The following CASP8 variants were observed in gnomAD, a reference collection of about 807,000 sequenced individuals.
The protein encoded by CASP8 is caspase-8.
A neutral mutation model predicts 46.3 loss-of-function variants in CASP8; 24 were observed. The ratio of observed to expected loss-of-function variants is 0.52; its 90% confidence interval spans 0.38 to 0.73. The LOEUF (loss-of-function observed/expected upper bound fraction) is 0.73. Among genes scored for constraint, CASP8 ranks in the 30% least tolerant of loss-of-function variants. The probability of loss-of-function intolerance (pLI) is 0.00; values close to 1 mark genes in which losing one functional copy is unlikely to be tolerated. For missense variants in CASP8, 460 were observed against 559.0 expected, an observed-to-expected ratio of 0.82 and a Z score of 1.79; for synonymous variants, 188 against 200.4, an observed-to-expected ratio of 0.94 and a Z score of 0.52.
chr2:201,279,052 G>C (rs1314328650), intron 7 of CASP8, among the ~76,000 whole-genome samples: 1 of 152,080 alleles, frequency 6.6e-6, no homozygotes, highest in Admixed American at 6.5e-5. Flanking sequence ...ATTACAGAGG[G>C]GAACACGGAA....
chr2:201,266,416 G>C lies in CASP8; in HGVS notation c.-26-45G>C, dbSNP rs1231094485. On this transcript the variant is annotated intron_variant, in intron 1 of 8. Transcript: ENST00000673742. This position sits in a 1 kb window ranked among gnomAD's most constrained non-coding sequence, Gnocchi z 5.7. ...GCCTTTGATGAACAAGCCAGCAAATGGTACTTTTCTTCCTTATCTGAACAT... is the reference window on the plus strand; with the variant it reads ...GCCTTTGATGAACAAGCCAGCAAATCGTACTTTTCTTCCTTATCTGAACAT... The C allele has an allele frequency of 6.8e-7, 1 of 1,466,604 alleles. No individual in the cohort carries two copies. Among genetic ancestry groups the C allele is most frequent in the Admixed American group, 1.7e-5 (1 of 59,634 alleles). The allele number at this position is 1,466,604 out of a possible 1,614,324, so 90.8% of individuals were successfully genotyped here. A position where few individuals can be genotyped will look rare whatever the true frequency, so the allele number is the denominator to read the frequency against.
In CASP8 at chr2:201,266,681, G is replaced by A. The variant is rs1304411859; in HGVS notation, c.195G>A (p.Leu65=). The A allele has an allele frequency of 1.9e-6, 3 of 1,613,834 alleles. No homozygotes were observed. Among genetic ancestry groups the A allele is most frequent in the Non-Finnish European group, 2.5e-6 (3 of 1,179,878 alleles). The part of the protein sequence containing the change: ...EESNLSFLKE[L]LFRINRLDLL... ...GCAATCTGTCCTTCCTGAAGGAGCTGCTCTTCCGAATTAATAGACTGGATT... is the reference window on the plus strand; with the variant it reads ...GCAATCTGTCCTTCCTGAAGGAGCTACTCTTCCGAATTAATAGACTGGATT... The change falls in exon 2 of 9, where the codon CTG becomes CTA. Residue 65 remains leucine (L), a synonymous_variant. Coordinates refer to ENST00000673742, the MANE Select transcript of CASP8 (RefSeq NM_001372051.1). The surrounding 1 kb of genome is among the most constrained non-coding windows in gnomAD (Gnocchi z 5.7).
intron 7 of CASP8, among the ~76,000 whole-genome samples, chr2:201,283,677 C>T (rs1324183254): frequency 1.2e-5 from 1 of 85,188 alleles, no homozygotes; most frequent in African/African-American, 3.8e-5. Context: ...CCGGACGGGG[C>T]GGATGGCCGA....
At chr2:201,269,589 G>T in intron 2 of CASP8, 1 of 1,612,190 alleles carries the variant, frequency 6.2e-7, no homozygotes, top group South Asian at 1.1e-5. Flanking sequence ...GCGGAGGGTC[G>T]ATCATCTATT....
rs2125489041 is a variant in CASP8 at position 201,285,217 on chromosome 2, G to T, written c.1204G>T (p.Gly402Trp). The T allele has an allele frequency of 6.2e-7, 1 of 1,614,158 alleles. No individual in the cohort carries two copies. The change falls in exon 8 of 9, where the codon GGG (glycine) becomes TGG (tryptophan). Residue 402 changes from glycine to tryptophan, a missense_variant. Coordinates refer to ENST00000673742, the MANE Select transcript of CASP8 (RefSeq NM_001372051.1). ...YIPDEADFLL[G>W]MATVNNCVSY... ...CCCGGATGAGGCTGACTTTCTGCTG[G>T]GGATGGCCACTGTGAATAACTGTGT...
chr2:201,271,713 G>C lies in CASP8; in HGVS notation c.411+92G>C. ...CAAAGAGAGGGGTATTTTGGTAAAA[G>C]CAACCTGGATTCTCACTTTTTAACT... On this transcript the variant is annotated intron_variant, in intron 3 of 8. Transcript: ENST00000673742. 3.8e-6 allele frequency: 3 copies of C among 791,428 alleles called. No homozygotes were observed. The South Asian group carries it at 4.2e-5, about 11-fold the overall frequency. The allele number at this position is 791,428 out of a possible 1,614,324, so 49.0% of individuals were successfully genotyped here.
At chr2:201,237,438 T>TAAAAAAAAAAAAAAAAAAAGA (rs1946102727) in intron 2 of CASP8, among the ~76,000 whole-genome samples, 1 of 46,104 alleles carries the variant, frequency 2.2e-5, no homozygotes, top group African/African-American at 7.8e-5. Context: ...ATCTTCAGAG[T>TAAAAAAAAAAAAAAAAAAAGA]AAAAAAAAAA....
intron 2 of CASP8, among the ~76,000 whole-genome samples, chr2:201,252,131 C>T (rs746593821): frequency 3.3e-5 from 5 of 152,182 alleles, no homozygotes; most frequent in Non-Finnish European, 7.4e-5. Flanking sequence ...AACATCTTTT[C>T]ATATGCTTAT....
intron 7 of CASP8, chr2:201,281,859 C>T (rs1338708672): frequency 6.8e-7 from 1 of 1,474,680 alleles, no homozygotes; most frequent in Admixed American, 2.1e-5. Context: ...TAGCTGGTGG[C>T]AATAAATATT....
At chr2:201,238,957 G>A (rs1249623861) in intron 2 of CASP8, among the ~76,000 whole-genome samples, 2 of 151,866 alleles carry the variant, frequency 1.3e-5, no homozygotes, top group Non-Finnish European at 2.9e-5. Context: ...AGATTAGGGA[G>A]TGGTGATGAC....
At chr2:201,265,191 T>C (rs16837027) in intron 1 of CASP8, among the ~76,000 whole-genome samples, 7,517 of 152,162 alleles carry the variant, frequency 0.049, 250 homozygotes, top group African/African-American at 0.088. Context: ...TTTAAAAATA[T>C]TTAATCTTGG....
chr2:201,264,214 G>A (rs1947631418), intron 1 of CASP8, among the ~76,000 whole-genome samples: 2 of 152,112 alleles, frequency 1.3e-5, no homozygotes, highest in African/African-American at 2.4e-5. Context: ...AGTTGTTTCT[G>A]CTCTTTCGTT....
At chr2:201,244,887 C>T (rs1946445231) in intron 2 of CASP8, among the ~76,000 whole-genome samples, 1 of 152,212 alleles carries the variant, frequency 6.6e-6, no homozygotes, top group Admixed American at 6.5e-5. Flanking sequence ...GGTAGACAGT[C>T]TGATCAAATA....
At chr2:201,284,708 G>C (rs1576388096) in intron 7 of CASP8, 108 bp from the exon 8 acceptor site, 2 of 173,316 alleles carry the variant, frequency 1.2e-5, no homozygotes, top group African/African-American at 4.4e-5. Context: ...GAGAGGGAGA[G>C]GGAGAGGGGT....
intron 2 of CASP8, among the ~76,000 whole-genome samples, chr2:201,234,851 T>C (rs1003891165): frequency 1.3e-5 from 2 of 152,210 alleles, no homozygotes; most frequent in African/African-American, 4.8e-5. Context: ...TACTTAGGCT[T>C]TTATTTCTTG....
At chr2:201,248,817 A>T (rs1946646833) in intron 2 of CASP8, among the ~76,000 whole-genome samples, 1 of 152,120 alleles carries the variant, frequency 6.6e-6, no homozygotes, top group African/African-American at 2.4e-5. Flanking sequence ...TATGGTCAGC[A>T]CTTTTTGTGT....
chr2:201,263,162 T>C (rs906625491), intron 1 of CASP8, among the ~76,000 whole-genome samples: 2 of 152,222 alleles, frequency 1.3e-5, no homozygotes, highest in Non-Finnish European at 2.9e-5. Context: ...TTTTATTATA[T>C]ACTGTCAGAA....
intron 2 of CASP8, among the ~76,000 whole-genome samples, chr2:201,239,365 C>A (rs927039316): frequency 2.6e-5 from 4 of 152,306 alleles, no homozygotes; most frequent in African/African-American, 7.2e-5. Flanking sequence ...CGCCCCTCAT[C>A]TCCCAGACGG....
At chr2:201,253,336 C>G (rs553517712) in intron 2 of CASP8, among the ~76,000 whole-genome samples, 121 of 114,632 alleles carry the variant, frequency 1.1e-3, no homozygotes, top group African/African-American at 4.0e-3. Flanking sequence ...GAAACAGTCA[C>G]TAGTGCTGTA....
Sources: allele counts gnomAD v4.1 joint callset (sites outside exome capture counted in the v4.1 genomes callset), GRCh38; gene constraint gnomAD v4.1.1; non-coding constraint Gnocchi (gnomAD v3.1); transcripts MANE v1.5; gene names NCBI Gene and HGNC (gene_info 2026-07-23, HGNC 2026-07-21).